Variants in FAM227B observed in about 807,000 individuals in gnomAD.
FAM227B encodes family with sequence similarity 227 member B, also known as protein FAM227B.
A neutral mutation model predicts 73.8 loss-of-function variants in FAM227B; 88 were observed. The ratio of observed to expected loss-of-function variants is 1.19; its 90% confidence interval spans 1.00 to 1.42. The LOEUF is 1.42. Among genes scored for constraint, FAM227B ranks in the 40% most tolerant of loss-of-function variants. The probability of loss-of-function intolerance (pLI) is 0.00; values close to 1 mark genes in which losing one functional copy is unlikely to be tolerated. For missense variants in FAM227B, 632 were observed against 590.9 expected, an observed-to-expected ratio of 1.07 and a Z score of -0.72; for synonymous variants, 210 against 190.5, an observed-to-expected ratio of 1.10 and a Z score of -0.84.
intron 11 of FAM227B, among the ~76,000 whole-genome samples, chr15:49,392,044 A>G (rs977358609): frequency 2.0e-5 from 3 of 152,166 alleles, no homozygotes; most frequent in Non-Finnish European, 4.4e-5. Flanking sequence ...AAGTTTCAAG[A>G]CAAGTAAAGA....
intron 11 of FAM227B, among the ~76,000 whole-genome samples, chr15:49,497,474 A>G (rs904326304): frequency 4.6e-5 from 7 of 152,194 alleles, no homozygotes; most frequent in Non-Finnish European, 1.0e-4. Context: ...CTCACCGTCA[A>G]TCCATACCCT....
At chr15:49,499,887 A>C (rs72729127) in intron 11 of FAM227B, among the ~76,000 whole-genome samples, 8,304 of 152,266 alleles carry the variant, frequency 0.055, 327 homozygotes, top group East Asian at 0.13. Context: ...TAAGAGCTAC[A>C]ACTCTGAACT....
At chr15:49,329,332 G>A in intron 15 of FAM227B, 5 of 985,354 alleles carry the variant, frequency 5.1e-6, no homozygotes, top group Non-Finnish European at 6.0e-6. Flanking sequence ...TCTGAATTAT[G>A]TAATGATTTG....
intron 11 of FAM227B, among the ~76,000 whole-genome samples, chr15:49,405,644 C>G (rs1306839602): frequency 6.6e-6 from 1 of 152,144 alleles, no homozygotes; most frequent in African/African-American, 2.4e-5. Context: ...TTCTGTCTGT[C>G]AGCTTTTACA....
chr15:49,607,279 C>T (rs1432760194), intron 3 of FAM227B, among the ~76,000 whole-genome samples: 1 of 152,132 alleles, frequency 6.6e-6, no homozygotes, highest in African/African-American at 2.4e-5. Context: ...TATATAAATA[C>T]GTTAAGTGCC....
intron 13 of FAM227B, among the ~76,000 whole-genome samples, chr15:49,353,117 T>C (rs1369870076): frequency 1.3e-5 from 2 of 152,178 alleles, no homozygotes; most frequent in Non-Finnish European, 2.9e-5. Context: ...AAAATGGAAA[T>C]AGTTGCCAAT....
intron 10 of FAM227B, among the ~76,000 whole-genome samples, chr15:49,511,873 A>C (rs143659773): frequency 5.3e-5 from 8 of 152,160 alleles, no homozygotes; most frequent in South Asian, 2.1e-4. Context: ...ATTTGGGTTG[A>C]TTCTATGTCT....
chr15:49,530,636 T>C (rs2060538485), intron 10 of FAM227B, among the ~76,000 whole-genome samples: 1 of 151,856 alleles, frequency 6.6e-6, no homozygotes, highest in Admixed American at 6.6e-5. Flanking sequence ...AATTGAATTG[T>C]ATGTATCTCT....
chr15:49,572,138 C>T lies in FAM227B; in HGVS notation c.645+2873G>A, dbSNP rs530893414. Among the ~76,000 whole-genome samples, 10 of 151,782 alleles carry T rather than the reference C, an allele frequency of 6.6e-5. No individual in the cohort carries two copies. The East Asian group carries it at 1.5e-3, about 23-fold the overall frequency. ...GTAAACAGAATTGTTTTCTTGATTT[C>T]TTTTTTGTATAATTCATTGTTAGTG... is the stretch of plus-strand genomic sequence containing the variant. On this transcript the variant is annotated intron_variant, in intron 8 of 15. Coordinates refer to ENST00000299338, the MANE Select transcript of FAM227B (RefSeq NM_152647.3).
At chr15:49,376,568 G>A (rs1437685423) in intron 11 of FAM227B, among the ~76,000 whole-genome samples, 1 of 151,982 alleles carries the variant, frequency 6.6e-6, no homozygotes, top group Admixed American at 6.5e-5. Context: ...TTCCAACCTT[G>A]TTCTTCCTTT....
chr15:49,378,777 T>C (rs1337954190), intron 11 of FAM227B, among the ~76,000 whole-genome samples: 7 of 152,192 alleles, frequency 4.6e-5, no homozygotes, highest in South Asian at 4.1e-4. Flanking sequence ...CCTTTCCAAT[T>C]TGGATGCCCT....
chr15:49,390,120 A>G (rs1053807464), intron 11 of FAM227B, among the ~76,000 whole-genome samples: 1 of 152,046 alleles, frequency 6.6e-6, no homozygotes, highest in Admixed American at 6.6e-5. Flanking sequence ...GGGAAATGAA[A>G]TGAAGAAATT....
intron 11 of FAM227B, among the ~76,000 whole-genome samples, chr15:49,419,584 T>C (rs1297209308): frequency 2.0e-5 from 3 of 152,124 alleles, no homozygotes. Context: ...TCTGATCATG[T>C]CACTCTTCTG....
chr15:49,435,880 A>G (rs2051056384), intron 11 of FAM227B, among the ~76,000 whole-genome samples: 1 of 151,610 alleles, frequency 6.6e-6, no homozygotes, highest in South Asian at 2.1e-4. Context: ...AAATCTTACA[A>G]TGTACAACTG....
chr15:49,337,194 T>A (rs1567095850), intron 13 of FAM227B, among the ~76,000 whole-genome samples: 1 of 152,226 alleles, frequency 6.6e-6, no homozygotes, highest in Non-Finnish European at 1.5e-5. Flanking sequence ...TTTATTTTTC[T>A]TTTGAGTATA....
At position 49,525,223 on chromosome 15, in the gene FAM227B, G is replaced by A. The variant is rs1041960118; in HGVS notation, c.874+16457C>T. The stretch of plus-strand genomic sequence containing the variant: ...ACCCAGTGGGAGGTAATTGAATCAT[G>A]GGGGCAGGTTTTTCCCTGATGTTCT... On this transcript the variant is annotated intron_variant, in intron 10 of 15. Coordinates refer to ENST00000299338, the MANE Select transcript of FAM227B (RefSeq NM_152647.3). Among the ~76,000 whole-genome samples, 6 of 152,062 alleles carry A rather than the reference G, an allele frequency of 3.9e-5. No homozygotes were observed. The East Asian group carries it at 9.7e-4, about 25-fold the overall frequency.
At chr15:49,385,472 A>G (rs2151543297) in intron 11 of FAM227B, among the ~76,000 whole-genome samples, 1 of 151,944 alleles carries the variant, frequency 6.6e-6, no homozygotes, top group East Asian at 1.9e-4. Flanking sequence ...TAAAGGTTGT[A>G]TAAATGGTAA....
intron 10 of FAM227B, among the ~76,000 whole-genome samples, chr15:49,529,112 G>A (rs2060422828): frequency 6.6e-6 from 1 of 151,580 alleles, no homozygotes; most frequent in Admixed American, 6.6e-5. Context: ...AAGAAAATAT[G>A]GAATATATAC....
intron 9 of FAM227B, among the ~76,000 whole-genome samples, chr15:49,550,954 G>A (rs1156921364): frequency 3.3e-5 from 5 of 151,992 alleles, no homozygotes; most frequent in African/African-American, 4.8e-5. Flanking sequence ...AGGTTGTAGC[G>A]AGCCGAGATC....
Sources: allele counts gnomAD v4.1 joint callset (sites outside exome capture counted in the v4.1 genomes callset), GRCh38; gene constraint gnomAD v4.1.1; transcripts MANE v1.5; gene names NCBI Gene and HGNC (gene_info 2026-07-23, HGNC 2026-07-21).